SLC3A1: variants seen among roughly 807,000 people sequenced by gnomAD.
SLC3A1 encodes solute carrier family 3 member 1.
SLC3A1 carries 78 observed loss-of-function variants against 60.3 expected under a neutral mutation model. The ratio of observed to expected loss-of-function variants is 1.29; its 90% confidence interval spans 1.08 to 1.56. The LOEUF is 1.56. Ranked by LOEUF, SLC3A1 falls within the 40% of genes most tolerant of loss-of-function variation. The pLI is 0.00. For missense variants in SLC3A1, 1,172 were observed against 858.9 expected (o/e 1.36, Z -4.56); for synonymous variants, 392 against 307.9 (o/e 1.27, Z -2.86).
chr2:44,299,260 A>T (rs1374128779), intron 4 of SLC3A1, among the ~76,000 whole-genome samples: 2 of 152,136 alleles, frequency 1.3e-5, no homozygotes, highest in African/African-American at 2.4e-5. Context: ...GCTGGTGTCA[A>T]ACTCCTGACC....
chr2:44,282,578 C>A (rs1671524686), intron 3 of SLC3A1, among the ~76,000 whole-genome samples: 1 of 152,138 alleles, frequency 6.6e-6, no homozygotes, highest in Non-Finnish European at 1.5e-5. Flanking sequence ...CCAGTTAAAT[C>A]TGAATTTTGG....
chr2:44,277,134 T>C (rs1558451314), intron 1 of SLC3A1, among the ~76,000 whole-genome samples: 2 of 141,466 alleles, frequency 1.4e-5, no homozygotes, highest in Non-Finnish European at 3.1e-5. Flanking sequence ...TGTGATGGAG[T>C]TTCACTCTTG....
At position 44,321,175 on chromosome 2, in the gene SLC3A1, A is replaced by G; in HGVS notation, c.*536A>G. 5.1e-6 allele frequency: 3 copies of G among 592,980 alleles called. No homozygotes were observed. The highest frequency in any genetic ancestry group is 9.1e-6 in the Non-Finnish European group (3 of 330,690). 36.7% of individuals were successfully genotyped at this position (592,980 alleles called of 1,614,324 possible). ...CCTAGGTTAATGGGCATGTGCATCA[A>G]TGGAGAGAATAGTATAAGCAAGTGA... is the stretch of plus-strand genomic sequence containing the variant. On this transcript the variant is annotated 3_prime_UTR_variant, in exon 10 of 10. Coordinates refer to ENST00000260649, the MANE Select transcript of SLC3A1 (RefSeq NM_000341.4).
chr2:44,276,586 G>C (rs1671346648), intron 1 of SLC3A1, among the ~76,000 whole-genome samples: 1 of 152,016 alleles, frequency 6.6e-6, no homozygotes, highest in African/African-American at 2.4e-5. Context: ...ATTAACCAGG[G>C]GTAGTGGCGC....
At chr2:44,314,810 AT>A (rs1672386661) in intron 9 of SLC3A1, 1 of 152,062 alleles carries the variant, frequency 6.6e-6, no homozygotes, top group African/African-American at 2.4e-5. Context: ...CTTGATTCTC[AT>A]TATGTCTAAA....
chr2:44,292,609 A>G (rs968905520), intron 4 of SLC3A1, among the ~76,000 whole-genome samples: 1 of 152,152 alleles, frequency 6.6e-6, no homozygotes, highest in Non-Finnish European at 1.5e-5. Flanking sequence ...TACACAGGGC[A>G]AGCGCCTAAC....
chr2:44,322,250 G>A (rs1009875473), downstream of SLC3A1, among the ~76,000 whole-genome samples: 1 of 152,046 alleles, frequency 6.6e-6, no homozygotes, highest in South Asian at 2.1e-4. Context: ...ATGAATACAG[G>A]GAGACTGATA....
At chr2:44,287,429 G>A (rs922090373) in intron 4 of SLC3A1, among the ~76,000 whole-genome samples, 5 of 152,160 alleles carry the variant, frequency 3.3e-5, no homozygotes, top group African/African-American at 1.2e-4. Context: ...TTCAGGGATG[G>A]CATGGAGGCC....
chr2:44,302,875 G>C (rs759488575), intron 6 of SLC3A1, among the ~76,000 whole-genome samples: 1 of 152,158 alleles, frequency 6.6e-6, no homozygotes, highest in Non-Finnish European at 1.5e-5. Context: ...GATTCTAGGA[G>C]ATTATTTCTC....
chr2:44,309,402 T>C (rs1046263991), intron 7 of SLC3A1, among the ~76,000 whole-genome samples: 9 of 152,190 alleles, frequency 5.9e-5, no homozygotes, highest in Admixed American at 2.6e-4. Context: ...TCTTACTCCT[T>C]CTTATGACTG....
At chr2:44,310,029 G>T (rs1373098245) in intron 7 of SLC3A1, among the ~76,000 whole-genome samples, 2 of 152,138 alleles carry the variant, frequency 1.3e-5, no homozygotes, top group African/African-American at 2.4e-5. Context: ...AAGTAGCTGG[G>T]ACTATAGGTG....
At chr2:44,288,435 A>G (rs1671665716) in intron 4 of SLC3A1, among the ~76,000 whole-genome samples, 1 of 148,252 alleles carries the variant, frequency 6.7e-6, no homozygotes, top group South Asian at 2.1e-4. Context: ...CCACAAATCT[A>G]CTTTCTATCT....
intron 4 of SLC3A1, among the ~76,000 whole-genome samples, chr2:44,297,997 T>C (rs1038834424): frequency 1.3e-5 from 2 of 152,224 alleles, no homozygotes; most frequent in Non-Finnish European, 2.9e-5. Flanking sequence ...CATTGGGTTG[T>C]TTCCACTTTC....
chr2:44,314,077 C>G (rs781311703), intron 9 of SLC3A1, 126 bp downstream of exon 9: 1 of 1,551,050 alleles, frequency 6.4e-7, no homozygotes, highest in Non-Finnish European at 8.7e-7. Context: ...CACAGACTTC[C>G]TTGCAGTTTT....
chr2:44,315,612 C>A (rs1049835370), intron 9 of SLC3A1, among the ~76,000 whole-genome samples: 10 of 147,484 alleles, frequency 6.8e-5, no homozygotes, highest in Non-Finnish European at 1.3e-4. Context: ...GTTGTGATTA[C>A]CCCAATGCAC....
downstream of SLC3A1, chr2:44,321,558 G>A (rs1002456859): frequency 6.6e-7 from 1 of 1,508,270 alleles, no homozygotes; most frequent in South Asian, 1.3e-5. Context: ...AGCAATTTAT[G>A]GCAAGAATAC....
At chr2:44,292,275 C>T (rs1324654331) in intron 4 of SLC3A1, among the ~76,000 whole-genome samples, 1 of 152,112 alleles carries the variant, frequency 6.6e-6, no homozygotes, top group Non-Finnish European at 1.5e-5. Flanking sequence ...CGTTCTGTCC[C>T]TACTAAGCAT....
downstream of SLC3A1, chr2:44,321,984 T>C: frequency 7.3e-7 from 1 of 1,363,836 alleles, no homozygotes; most frequent in East Asian, 2.3e-5. Flanking sequence ...CCCTCTTCTT[T>C]GAGTACTCAG....
intron 7 of SLC3A1, among the ~76,000 whole-genome samples, chr2:44,312,048 G>T (rs1275027533): frequency 6.6e-6 from 1 of 152,028 alleles, no homozygotes; most frequent in Non-Finnish European, 1.5e-5. Flanking sequence ...ATTTAAATAA[G>T]GGCTAGAATA....
Sources: allele counts gnomAD v4.1 joint callset (sites outside exome capture counted in the v4.1 genomes callset), GRCh38; gene constraint gnomAD v4.1.1; transcripts MANE v1.5; gene names NCBI Gene and HGNC (gene_info 2026-07-23, HGNC 2026-07-21).